CACNG3: variants seen among roughly 807,000 people sequenced by gnomAD.
The protein encoded by CACNG3 is voltage-dependent calcium channel gamma-3 subunit.
In CACNG3, 3 loss-of-function variants were observed where a neutral mutation model predicts 28.5. The observed-to-expected ratio is 0.11, with a 90% CI of 0.05 to 0.27. CACNG3 has a LOEUF of 0.27. CACNG3 is among the 10% of genes least tolerant of loss of function. CACNG3 has a pLI of 1.00. For synonymous variants in CACNG3, 174 were observed against 162.2 expected, an observed-to-expected ratio of 1.07 and a Z score of -0.55; for missense variants, 236 against 414.4, an observed-to-expected ratio of 0.57 and a Z score of 3.74.
intron 1 of CACNG3, among the ~76,000 whole-genome samples, chr16:24,268,015 G>A (rs1379794708): frequency 6.6e-6 from 1 of 152,128 alleles, no homozygotes; most frequent in East Asian, 1.9e-4. Context: ...TTATTTAACA[G>A]ACACACGCTA....
intron 1 of CACNG3, among the ~76,000 whole-genome samples, chr16:24,265,489 A>G (rs1898598566): frequency 6.7e-6 from 1 of 149,900 alleles, no homozygotes; most frequent in Non-Finnish European, 1.5e-5. Context: ...AGAGAAAGAG[A>G]AAGAAGGAAA....
At chr16:24,287,315 C>T (rs1164484664) in intron 1 of CACNG3, among the ~76,000 whole-genome samples, 6 of 151,684 alleles carry the variant, frequency 4.0e-5, no homozygotes, top group East Asian at 3.9e-4. Context: ...GCCAGGAATT[C>T]GAGACCAGGC....
At chr16:24,265,376 AAGAAAG>A (rs1291557622) in intron 1 of CACNG3, among the ~76,000 whole-genome samples, 15 of 150,464 alleles carry the variant, frequency 1.0e-4, no homozygotes, top group African/African-American at 3.7e-4. Context: ...AGAAAAAAGA[AAGAAAG>A]AAAAGAAAGA....
intron 1 of CACNG3, among the ~76,000 whole-genome samples, chr16:24,334,151 AC>A: frequency 6.6e-6 from 1 of 152,304 alleles, no homozygotes; most frequent in Non-Finnish European, 1.5e-5. Context: ...AAAAATCTTC[AC>A]AAAAGAGTTC....
At chr16:24,278,144 G>T (rs1032185992) in intron 1 of CACNG3, among the ~76,000 whole-genome samples, 1 of 152,140 alleles carries the variant, frequency 6.6e-6, no homozygotes, top group Non-Finnish European at 1.5e-5. Context: ...GAGTATGGAA[G>T]GTAGTATGAT....
At chr16:24,293,274 A>C (rs1391001514) in intron 1 of CACNG3, among the ~76,000 whole-genome samples, 1 of 152,120 alleles carries the variant, frequency 6.6e-6, no homozygotes, top group Admixed American at 6.6e-5. Context: ...TTTGCTGGGG[A>C]GTGGCACTGT....
intron 2 of CACNG3, among the ~76,000 whole-genome samples, chr16:24,351,014 T>C (rs7187231): frequency 0.038 from 5,767 of 152,270 alleles, 302 homozygotes; most frequent in African/African-American, 0.12. Context: ...CCCCCTTGAC[T>C]TGGGAGCTAA....
intron 1 of CACNG3, among the ~76,000 whole-genome samples, chr16:24,275,522 G>T (rs1281937703): frequency 2.0e-5 from 3 of 152,168 alleles, no homozygotes. Flanking sequence ...GCACTTATGC[G>T]ACTGAGTTGC....
intron 1 of CACNG3, among the ~76,000 whole-genome samples, chr16:24,282,876 GT>G (rs1401409113): frequency 6.6e-6 from 1 of 151,224 alleles, no homozygotes; most frequent in Non-Finnish European, 1.5e-5. Flanking sequence ...TTCTTTTTTT[GT>G]TTTTTGGACA....
intron 1 of CACNG3, among the ~76,000 whole-genome samples, chr16:24,312,355 A>G (rs1004013002): frequency 6.6e-6 from 1 of 152,200 alleles, no homozygotes; most frequent in Non-Finnish European, 1.5e-5. Flanking sequence ...TACAAAGAGT[A>G]TGACGTCCAA....
Position 24,256,698 on chromosome 16 carries a change from CT to C in CACNG3, c.-56del. ...TACCCGGCTGCAGAGTGATTTTCCC[CT>C]CCGGCACTGACTCTCCCCCTCCAAC... On this transcript the variant is annotated 5_prime_UTR_variant, in exon 1 of 4. Transcript: ENST00000005284. This position sits in a 1 kb window ranked among gnomAD's most constrained non-coding sequence, Gnocchi z 4.6. 1 of 1,183,612 alleles carries C rather than the reference CT, an allele frequency of 8.4e-7. No individual in the cohort carries two copies. Among genetic ancestry groups the C allele is most frequent in the Non-Finnish European group, 1.3e-6 (1 of 788,588 alleles). The allele number at this position is 1,183,612 out of a possible 1,614,324, so 73.3% of individuals were successfully genotyped here.
chr16:24,274,813 G>A (rs1898733097), intron 1 of CACNG3, among the ~76,000 whole-genome samples: 2 of 152,212 alleles, frequency 1.3e-5, no homozygotes, highest in South Asian at 2.1e-4. Flanking sequence ...CCTCCCAAGA[G>A]CCTCGTGGGA....
chr16:24,260,178 G>A (rs1050004106), intron 1 of CACNG3, among the ~76,000 whole-genome samples: 2 of 152,136 alleles, frequency 1.3e-5, no homozygotes, highest in Non-Finnish European at 2.9e-5. Flanking sequence ...TTTGGCCCAT[G>A]GGCTGCCAGT....
At chr16:24,257,795 GTTATAAC>G (rs751476427) in intron 1 of CACNG3, among the ~76,000 whole-genome samples, 5 of 152,180 alleles carry the variant, frequency 3.3e-5, no homozygotes, top group Non-Finnish European at 7.3e-5. Flanking sequence ...TTAGGGAGTA[GTTATAAC>G]TTATAATGAA....
In CACNG3 at chr16:24,361,161, T is replaced by G. The variant is rs1464933844; in HGVS notation, c.437-191T>G. ...CAGCTGAATACACATTGCCTGGAACTGAGCAGCAGAATTCTTCATTTCCTA... is the reference window on the plus strand; with the variant it reads ...CAGCTGAATACACATTGCCTGGAACGGAGCAGCAGAATTCTTCATTTCCTA... On this transcript the variant is annotated intron_variant, in intron 3 of 3. Transcript: ENST00000005284. The surrounding 1 kb of genome is among the most constrained non-coding windows in gnomAD (Gnocchi z 6.8). 6.6e-6 allele frequency among the ~76,000 whole-genome samples: 1 copy of G among 152,190 alleles called. No homozygotes were observed. The highest frequency in any genetic ancestry group is 1.5e-5 in the Non-Finnish European group (1 of 68,028).
chr16:24,262,860 C>A (rs1017299307), intron 1 of CACNG3, among the ~76,000 whole-genome samples: 2 of 152,158 alleles, frequency 1.3e-5, no homozygotes, highest in African/African-American at 2.4e-5. Context: ...AGAATAAAGG[C>A]AAGTGACCTT....
intron 1 of CACNG3, among the ~76,000 whole-genome samples, chr16:24,287,088 C>T (rs569337451): frequency 2.0e-5 from 3 of 152,336 alleles, no homozygotes; most frequent in Non-Finnish European, 4.4e-5. Flanking sequence ...AGCTAGCTTT[C>T]TTCTCTCCTT....
chr16:24,309,119 A>G (rs9921785), intron 1 of CACNG3, among the ~76,000 whole-genome samples: 50,021 of 152,006 alleles, frequency 0.33, 8,859 homozygotes, highest in South Asian at 0.56. Context: ...CAGGCACTTA[A>G]CCATTGTTCG....
intron 1 of CACNG3, among the ~76,000 whole-genome samples, chr16:24,313,497 T>C (rs1899303759): frequency 6.6e-6 from 1 of 152,186 alleles, no homozygotes; most frequent in Non-Finnish European, 1.5e-5. Context: ...TTTATATTTG[T>C]TTTTAGAGAC....
Sources: allele counts gnomAD v4.1 joint callset (sites outside exome capture counted in the v4.1 genomes callset), GRCh38; gene constraint gnomAD v4.1.1; non-coding constraint Gnocchi (gnomAD v3.1); transcripts MANE v1.5; gene names NCBI Gene and HGNC (gene_info 2026-07-23, HGNC 2026-07-21).